APTX: variants seen among roughly 807,000 people sequenced by gnomAD.
APTX encodes aprataxin.
A neutral mutation model predicts 42.3 loss-of-function variants in APTX; 33 were observed. The observed-to-expected ratio is 0.78, with a 90% CI of 0.59 to 1.04. The LOEUF (loss-of-function observed/expected upper bound fraction) is 1.04, where lower values mean the gene tolerates loss of function less well. Among genes scored for constraint, APTX ranks in the 50% least tolerant of loss-of-function variants. The pLI is 0.00. For synonymous variants in APTX, 130 were observed against 146.7 expected (o/e 0.89, Z 0.82); for missense variants, 421 against 415.1 (o/e 1.01, Z -0.12).
intron 6 of APTX, among the ~76,000 whole-genome samples, chr9:32,975,097 C>T (rs938086089): frequency 6.6e-6 from 1 of 151,876 alleles, no homozygotes; most frequent in Non-Finnish European, 1.5e-5. Context: ...AGAGCAGGGG[C>T]CCTGAGATGA....
At chr9:33,003,215 G>T (rs796880468), upstream of APTX, among the ~76,000 whole-genome samples, 32 of 152,236 alleles carry the variant, frequency 2.1e-4, no homozygotes, top group African/African-American at 7.0e-4. Context: ...GTGCAAAATT[G>T]GGCAGAGTTT....
intron 1 of APTX, chr9:33,024,715 C>T (rs1284824999): frequency 1.3e-5 from 2 of 152,190 alleles, no homozygotes; most frequent in Non-Finnish European, 2.9e-5. Context: ...TTAACAACTT[C>T]ACAATTTGAT....
At chr9:32,989,687 A>C in intron 2 of APTX, 72 bp downstream of exon 2, 1 of 1,609,754 alleles carries the variant, frequency 6.2e-7, no homozygotes, top group Non-Finnish European at 8.5e-7. Flanking sequence ...AAGATCACCC[A>C]GAAAATATGC....
chr9:32,987,269 TA>T (rs1832411047), intron 4 of APTX, among the ~76,000 whole-genome samples: 1 of 152,242 alleles, frequency 6.6e-6, no homozygotes, highest in Admixed American at 6.5e-5. Flanking sequence ...GAAAACCTTC[TA>T]TAGATGCATA....
chr9:32,975,631 G>A (rs549036071), intron 6 of APTX, among the ~76,000 whole-genome samples: 2 of 152,240 alleles, frequency 1.3e-5, no homozygotes, highest in African/African-American at 4.8e-5. Flanking sequence ...CCTAGGAGGT[G>A]GAGGTTGCAG....
intron 5 of APTX, 91 bp downstream of exon 5, chr9:32,985,880 G>C (rs538313185): frequency 8.5e-7 from 1 of 1,174,998 alleles, no homozygotes; most frequent in African/African-American, 1.5e-5. Context: ...CAGAAAGACT[G>C]ATATCCTTTG....
At chr9:33,023,447 C>A in intron 1 of APTX, among the ~76,000 whole-genome samples, 1 of 150,952 alleles carries the variant, frequency 6.6e-6, no homozygotes, top group Non-Finnish European at 1.5e-5. Context: ...TGGTCTAGAA[C>A]TCCGGATCTC....
At chr9:32,974,715 T>C (rs1278870742) in intron 6 of APTX, among the ~76,000 whole-genome samples, 154 bp from the exon 7 acceptor site, 4 of 152,336 alleles carry the variant, frequency 2.6e-5, no homozygotes, top group African/African-American at 9.6e-5. Context: ...TTTAATTCAA[T>C]TGATTCATTC....
chr9:33,012,874 G>A (rs1355211299), intron 1 of APTX, among the ~76,000 whole-genome samples: 1 of 152,208 alleles, frequency 6.6e-6, no homozygotes, highest in Non-Finnish European at 1.5e-5. Flanking sequence ...CGTTCTGGAA[G>A]TCATAAGATT....
upstream of APTX, among the ~76,000 whole-genome samples, chr9:33,004,430 T>C (rs1385669311): frequency 2.0e-5 from 3 of 152,242 alleles, no homozygotes; most frequent in Non-Finnish European, 2.9e-5. Flanking sequence ...TGAAATTTGT[T>C]TTTAATGTGA....
intron 6 of APTX, among the ~76,000 whole-genome samples, chr9:32,981,558 C>T (rs1830681414): frequency 6.6e-6 from 1 of 152,118 alleles, no homozygotes; most frequent in Admixed American, 6.6e-5. Flanking sequence ...ACCTAGGGCT[C>T]TTTGGAGAAG....
At chr9:33,010,252 C>T (rs1837444189) in intron 1 of APTX, among the ~76,000 whole-genome samples, 1 of 152,160 alleles carries the variant, frequency 6.6e-6, no homozygotes, top group Admixed American at 6.5e-5. Flanking sequence ...GCTATAGGAG[C>T]CCACACGGAT....
At chr9:33,022,431 A>G (rs547504714) in intron 1 of APTX, among the ~76,000 whole-genome samples, 20 of 152,326 alleles carry the variant, frequency 1.3e-4, no homozygotes, top group African/African-American at 4.1e-4. Context: ...CCACTCACAC[A>G]CTGCTGGAAG....
chr9:32,990,104 GAGTA>G (rs1833217445), intron 1 of APTX: 3 of 616,284 alleles, frequency 4.9e-6, no homozygotes, highest in Non-Finnish European at 8.7e-6. Flanking sequence ...GAGATAATGT[GAGTA>G]AGTATTTACC....
chr9:33,024,513 T>A (rs549316405), intron 1 of APTX, among the ~76,000 whole-genome samples: 1 of 152,284 alleles, frequency 6.6e-6, no homozygotes, highest in South Asian at 2.1e-4. Context: ...AGTCAGACAC[T>A]CTTGCGGCTA....
At chr9:33,010,196 G>T (rs1295800738) in intron 1 of APTX, among the ~76,000 whole-genome samples, 3 of 152,156 alleles carry the variant, frequency 2.0e-5, no homozygotes, top group African/African-American at 7.2e-5. Flanking sequence ...TGGGCTCTTG[G>T]CACCGTCAGA....
chr9:33,006,332 C>A (rs900644606), upstream of APTX, among the ~76,000 whole-genome samples: 1 of 152,144 alleles, frequency 6.6e-6, no homozygotes, highest in African/African-American at 2.4e-5. Context: ...ATCAATAAAT[C>A]TAGCCAAGTC....
At chr9:32,993,550 ACT>A (rs964680745) in intron 1 of APTX, among the ~76,000 whole-genome samples, 10 of 152,114 alleles carry the variant, frequency 6.6e-5, no homozygotes, top group African/African-American at 2.4e-4. Flanking sequence ...AATGCTATTT[ACT>A]CTCTGCATGA....
chr9:33,021,263 T>TA, intron 1 of APTX, among the ~76,000 whole-genome samples: 1 of 152,108 alleles, frequency 6.6e-6, no homozygotes, highest in East Asian at 1.9e-4. Context: ...AGACCTAGTT[T>TA]AAAAAATGAA....
Sources: gnomAD v4.1 joint callset for allele counts (sites outside exome capture counted in the v4.1 genomes callset) on GRCh38, gnomAD v4.1.1 for gene constraint, MANE v1.5 for transcripts, NCBI Gene and HGNC (gene_info 2026-07-23, HGNC 2026-07-21) for gene names.